FMN1: variants seen among roughly 807,000 people sequenced by gnomAD.
FMN1 encodes formin-1.
In FMN1, 110 loss-of-function variants were observed where a neutral mutation model predicts 132.4. The ratio of observed to expected loss-of-function variants is 0.83; its 90% confidence interval spans 0.71 to 0.97. The LOEUF (loss-of-function observed/expected upper bound fraction) is 0.97. FMN1 is among the 50% of genes least tolerant of loss of function. The pLI, the probability that FMN1 is intolerant of heterozygous loss-of-function variation, is 0.00. For missense variants in FMN1, 1,792 were observed against 1,705.3 expected, an observed-to-expected ratio of 1.05 and a Z score of -0.90; for synonymous variants, 722 against 651.7, an observed-to-expected ratio of 1.11 and a Z score of -1.64.
chr15:32,986,165 T>G (rs1481164862), intron 7 of FMN1, among the ~76,000 whole-genome samples: 1 of 152,102 alleles, frequency 6.6e-6, no homozygotes, highest in African/African-American at 2.4e-5. Flanking sequence ...AAATATCCAG[T>G]TATGGATCTA....
intron 17 of FMN1, among the ~76,000 whole-genome samples, chr15:32,823,177 T>TC (rs2058274766): frequency 6.9e-6 from 1 of 144,112 alleles, no homozygotes; most frequent in African/African-American, 2.6e-5. Context: ...TTTTTTTTTT[T>TC]TTGAGACAGA....
intron 4 of FMN1, chr15:33,151,154 C>T (rs1293295250): frequency 6.8e-6 from 10 of 1,461,594 alleles, no homozygotes; most frequent in Non-Finnish European, 9.0e-6. Context: ...ATCTGGGGAA[C>T]TCCCTCCCTC....
rs71113479 is a variant in FMN1 at position 32,848,977 on chromosome 15, G to GTTTTTTTTTTTT, written c.3928+8026_3928+8037dup. On this transcript the variant is annotated intron_variant, in intron 17 of 20. Transcript: ENST00000616417. Reference sequence around the variant, plus strand: ...ATCAGTCTTGGGTTAGTTCTCTTTTGTTTTTTTTTTTTTTTTTTTTTTCAG... The same window carrying GTTTTTTTTTTTT: ...ATCAGTCTTGGGTTAGTTCTCTTTTGTTTTTTTTTTTTTTTTTTTTTTTTTTTTTTTTTTCAG... Among the ~76,000 whole-genome samples the GTTTTTTTTTTTT allele has an allele frequency of 2.8e-4, 25 of 89,538 alleles. 1 individual carries two copies. The highest frequency in any genetic ancestry group is 5.0e-4 in the Admixed American group (3 of 5,974). The allele number at this position is 89,538 out of a possible 152,430, so 58.7% of individuals were successfully genotyped here.
intron 17 of FMN1, among the ~76,000 whole-genome samples, chr15:32,847,506 G>A (rs554848224): frequency 4.6e-5 from 7 of 152,128 alleles, no homozygotes; most frequent in African/African-American, 1.7e-4. Context: ...GCTGGGGTGG[G>A]TGGATCACTT....
In FMN1 at chr15:32,915,018, TA is replaced by T. The variant is rs1235427101; in HGVS notation, c.3227-4484del. Among the ~76,000 whole-genome samples, 3 of 152,196 alleles carry T rather than the reference TA, an allele frequency of 2.0e-5. No individual in the cohort carries two copies. In the East Asian group the frequency reaches 5.8e-4, roughly 29 times the overall value. ...ACGGAAGGATCTTAAAAATAAAATC[TA>T]AAAAGTAAAAGAAAATTCAGAGGTA... On this transcript the variant is annotated intron_variant, in intron 10 of 20. Transcript: ENST00000616417.
At chr15:32,964,402 T>C in intron 8 of FMN1, 145 bp from the exon 9 acceptor site, 1 of 607,018 alleles carries the variant, frequency 1.6e-6, no homozygotes, top group Non-Finnish European at 2.8e-6. Flanking sequence ...AAAAGCTTTT[T>C]ATGTTACGCA....
chr15:33,062,285 A>G (rs557313443), intron 6 of FMN1, among the ~76,000 whole-genome samples: 1 of 152,242 alleles, frequency 6.6e-6, no homozygotes, highest in African/African-American at 2.4e-5. Context: ...TACATCATGT[A>G]TAACTCAAAT....
At chr15:32,964,873 ACCT>A (rs1286116865) in intron 8 of FMN1, among the ~76,000 whole-genome samples, 1 of 151,854 alleles carries the variant, frequency 6.6e-6, no homozygotes, top group East Asian at 1.9e-4. Context: ...CCAACCAAAA[ACCT>A]CCTCCATTGC....
intron 4 of FMN1, chr15:33,151,220 C>T: frequency 1.3e-6 from 2 of 1,533,340 alleles, no homozygotes; most frequent in Non-Finnish European, 1.7e-6. Context: ...TATAGGAAGT[C>T]TCCACAGTAG....
At chr15:33,128,543 C>A (rs1421598337) in intron 4 of FMN1, among the ~76,000 whole-genome samples, 1 of 152,234 alleles carries the variant, frequency 6.6e-6, no homozygotes, top group African/African-American at 2.4e-5. Flanking sequence ...GTTAAGTAAA[C>A]ACATACCGAG....
At chr15:33,151,276 C>T (rs1964428163) in intron 4 of FMN1, 26 of 1,536,068 alleles carry the variant, frequency 1.7e-5, no homozygotes, top group Non-Finnish European at 2.1e-5. Context: ...TTCTACTCTC[C>T]TTCCCTTTTC....
chr15:33,080,352 T>C (rs1348139241), intron 5 of FMN1, among the ~76,000 whole-genome samples: 2 of 152,246 alleles, frequency 1.3e-5, no homozygotes, highest in Non-Finnish European at 2.9e-5. Flanking sequence ...TTCCCGTAAC[T>C]GAGTGCCTAC....
chr15:32,908,622 A>C (rs762141540), intron 11 of FMN1, 44 bp from the exon 12 acceptor site: 2 of 995,300 alleles, frequency 2.0e-6, no homozygotes, highest in Non-Finnish European at 1.5e-6. Context: ...AAAAAAAAAA[A>C]AGGGAAGTGA....
In FMN1 at chr15:32,841,828, C is replaced by A. The variant is rs535033057; in HGVS notation, c.3928+15187G>T. ...GATATGTATTTTGCTATTTATCTCA[C>A]ACTTAAAGATTATACAATCCATTTT... On this transcript the variant is annotated intron_variant, in intron 17 of 20. Coordinates refer to ENST00000616417, the MANE Select transcript of FMN1 (RefSeq NM_001277313.2). Among the ~76,000 whole-genome samples the A allele has an allele frequency of 8.9e-4, 136 of 152,276 alleles. No individual in the cohort carries two copies. In the South Asian group the frequency reaches 0.027, roughly 30 times the overall value.
chr15:33,109,284 G>A (rs554728036), intron 4 of FMN1, among the ~76,000 whole-genome samples: 1 of 151,946 alleles, frequency 6.6e-6, no homozygotes, highest in Admixed American at 6.6e-5. Flanking sequence ...CCTTACTTTT[G>A]TCAAAACATT....
rs1360601320 is a variant in FMN1, at chr15:32,778,176, A to C, written c.4131-1257T>G. On this transcript the variant is annotated intron_variant, in intron 19 of 20. Transcript: ENST00000616417. ...ACATTTATTATATATTATATAATAC[A>C]TTTATTTATATATTATATAATACAT... is the stretch of plus-strand genomic sequence containing the variant. Among the ~76,000 whole-genome samples the C allele has an allele frequency of 3.0e-5, 3 of 101,402 alleles. 1 individual carries two copies. The Admixed American group carries it at 3.2e-4, about 11-fold the overall frequency. The allele number at this position is 101,402 out of a possible 152,430, so 66.5% of individuals were successfully genotyped here.
intron 19 of FMN1, among the ~76,000 whole-genome samples, chr15:32,792,036 G>A (rs2057098704): frequency 6.6e-6 from 1 of 151,998 alleles, no homozygotes; most frequent in Non-Finnish European, 1.5e-5. Flanking sequence ...CCTTGGGGAA[G>A]GCCCACACTT....
At chr15:33,067,194 TG>T in intron 5 of FMN1, 2 of 1,613,732 alleles carry the variant, frequency 1.2e-6, no homozygotes, top group Non-Finnish European at 8.5e-7. Context: ...TGGTCCTGGC[TG>T]GGGCGACGCT....
chr15:32,783,784 A>AAAAAAAAAAAAAAAG lies in FMN1; in HGVS notation c.4131-6866_4131-6865insCTTTTTTTTTTTTTT, dbSNP rs1491184174. Among the ~76,000 whole-genome samples, 2 of 105,868 alleles carry AAAAAAAAAAAAAAAG rather than the reference A, an allele frequency of 1.9e-5. 1 individual carries two copies. The highest frequency in any genetic ancestry group is 5.8e-4 in the East Asian group (2 of 3,474). 69.5% of individuals were successfully genotyped at this position (105,868 alleles called of 152,430 possible). On this transcript the variant is annotated intron_variant, in intron 19 of 20. Coordinates refer to ENST00000616417, the MANE Select transcript of FMN1 (RefSeq NM_001277313.2). ...AAAAAAAAAAAAAAAAAAAAAAAAA[A>AAAAAAAAAAAAAAAG]TAGTTGAAGTGGCGTGGCTTTCCAT...
Sources: gnomAD v4.1 joint callset for allele counts (sites outside exome capture counted in the v4.1 genomes callset) on GRCh38, gnomAD v4.1.1 for gene constraint, MANE v1.5 for transcripts, NCBI Gene and HGNC (gene_info 2026-07-23, HGNC 2026-07-21) for gene names.